Variants in TEAD1 observed in about 807,000 individuals in gnomAD.
The protein encoded by TEAD1 is transcriptional enhancer factor TEF-1.
In TEAD1, 9 loss-of-function variants were observed where a neutral mutation model predicts 54.9. The ratio of observed to expected loss-of-function variants is 0.16; its 90% CI spans 0.10 to 0.29. TEAD1 has a LOEUF of 0.29. Ranked by LOEUF, TEAD1 falls within the 10% of genes least tolerant of loss-of-function variation. The probability of loss-of-function intolerance (pLI) is 1.00; values close to 1 mark genes in which losing one functional copy is unlikely to be tolerated. For synonymous variants in TEAD1, 200 were observed against 187.8 expected (o/e 1.07, Z -0.53); for missense variants, 387 against 535.9 (o/e 0.72, Z 2.74).
At chr11:12,912,668 G>A (rs915324217) in intron 10 of TEAD1, among the ~76,000 whole-genome samples, 9 of 152,266 alleles carry the variant, frequency 5.9e-5, no homozygotes, top group Admixed American at 5.2e-4. Context: ...GATTTCACAG[G>A]ATAGGATAGC....
At position 12,922,192 on chromosome 11, in the gene TEAD1, C is replaced by CTTTTTTTTT. The variant is rs756723520; in HGVS notation, c.874-2706_874-2698dup. On this transcript the variant is annotated intron_variant, in intron 10 of 12. Transcript: ENST00000527636. ...AGGGGAATGTGGAGTACATGGTTCT[C>CTTTTTTTTT]TTTTTTTTTTTTTTTTTTTTTTGAG... Among the ~76,000 whole-genome samples, 8 of 94,502 alleles carry CTTTTTTTTT rather than the reference C, an allele frequency of 8.5e-5. 1 individual carries two copies. The highest frequency in any genetic ancestry group is 3.5e-4 in the African/African-American group (8 of 23,148). 62.0% of individuals were successfully genotyped at this position (94,502 alleles called of 152,430 possible).
chr11:12,907,547 C>T (rs1166530080), intron 10 of TEAD1, among the ~76,000 whole-genome samples: 2 of 152,046 alleles, frequency 1.3e-5, no homozygotes, highest in African/African-American at 2.4e-5. Context: ...TTTAATTCTA[C>T]AGCGTATTTA....
intron 3 of TEAD1, among the ~76,000 whole-genome samples, chr11:12,854,736 C>T (rs1328688495): frequency 6.6e-6 from 1 of 150,658 alleles, no homozygotes; most frequent in Non-Finnish European, 1.5e-5. Flanking sequence ...GGACCACAGG[C>T]AGGTGCTACC....
chr11:12,678,226 C>T (rs1023664631), intron 2 of TEAD1, among the ~76,000 whole-genome samples: 2 of 152,208 alleles, frequency 1.3e-5, no homozygotes, highest in South Asian at 2.1e-4. Flanking sequence ...GCAAGCCAAC[C>T]TTGTTAAATG....
rs1949116640 is a variant in TEAD1, at chr11:12,937,134, A to G, written c.1193A>G (p.Glu398Gly). Reference sequence around the variant, plus strand: ...GTGGTAACAAACAGGGATACACAAGAAACTCTACTCTGCATGGCCTGTGTG... The same window carrying G: ...GTGGTAACAAACAGGGATACACAAGGAACTCTACTCTGCATGGCCTGTGTG... Residue 398 changes from glutamate to glycine, a missense_variant, in exon 13 of 13, where the codon GAA becomes GGA. By Grantham distance (98) the Glu-to-Gly change is moderately conservative. This residue lies in a region of TEAD1 where 123 missense variants were observed against 199.0 expected (regional missense o/e 0.62). Transcript: ENST00000527636. The G allele has an allele frequency of 6.2e-7, 1 of 1,613,822 alleles. No homozygotes were observed. Among genetic ancestry groups the G allele is most frequent in the African/African-American group, 1.3e-5 (1 of 74,930 alleles).
chr11:12,825,304 A>G (rs1303408439), intron 3 of TEAD1, among the ~76,000 whole-genome samples: 2 of 152,238 alleles, frequency 1.3e-5, no homozygotes, highest in Non-Finnish European at 2.9e-5. Context: ...TTTCAGATGA[A>G]TTGAGCCTGT....
rs1009535417 is a variant in TEAD1 at position 12,735,618 on chromosome 11, G to C, written c.-54-28561G>C. Among the ~76,000 whole-genome samples the C allele has an allele frequency of 2.0e-5, 3 of 148,726 alleles. No homozygotes were observed. The Admixed American group carries it at 2.0e-4, about 10-fold the overall frequency. On this transcript the variant is annotated intron_variant, in intron 2 of 12. Coordinates refer to ENST00000527636, the MANE Select transcript of TEAD1 (RefSeq NM_021961.6). ...TGTGCTATGCACTGTTCTGGATTCC[G>C]GGGTTATAGCTGTGACCAAGGCAGA...
At chr11:12,845,030 A>G (rs1010482586) in intron 3 of TEAD1, among the ~76,000 whole-genome samples, 3 of 136,408 alleles carry the variant, frequency 2.2e-5, no homozygotes, top group Non-Finnish European at 3.0e-5. Context: ...CAGTGGCGCA[A>G]TCTTGGCTCA....
rs902329248 is a variant in TEAD1 at position 12,886,115 on chromosome 11, G to A, written c.699+2990G>A. Among the ~76,000 whole-genome samples, 3 of 152,230 alleles carry A rather than the reference G, an allele frequency of 2.0e-5. No individual in the cohort carries two copies. The East Asian group carries it at 5.8e-4, about 29-fold the overall frequency. ...CGAAAGATGGAGGATTGGACAGGGA[G>A]AGAATAAGGGAGCAGAATATTCCAG... On this transcript the variant is annotated intron_variant, in intron 9 of 12. Transcript: ENST00000527636.
intron 3 of TEAD1, among the ~76,000 whole-genome samples, chr11:12,802,063 C>T (rs1946070177): frequency 6.6e-6 from 1 of 152,320 alleles, no homozygotes; most frequent in East Asian, 1.9e-4. Flanking sequence ...GCCCTGTTCA[C>T]ATTTCACACT....
chr11:12,851,978 G>C (rs1036032386), intron 3 of TEAD1, among the ~76,000 whole-genome samples: 37 of 152,130 alleles, frequency 2.4e-4, no homozygotes, highest in African/African-American at 8.2e-4. Context: ...AGTACTTGAG[G>C]TTACAAAGCA....
chr11:12,737,490 C>A (rs771557585), intron 2 of TEAD1, among the ~76,000 whole-genome samples: 26 of 152,188 alleles, frequency 1.7e-4, no homozygotes, highest in Non-Finnish European at 3.7e-4. Context: ...CCTCTACTTA[C>A]AACTGTCCCT....
chr11:12,829,788 A>G (rs547862327), intron 3 of TEAD1, among the ~76,000 whole-genome samples: 14 of 152,182 alleles, frequency 9.2e-5, no homozygotes, highest in Non-Finnish European at 1.8e-4. Flanking sequence ...TGAAGACTGT[A>G]TCTGGTGCTT....
chr11:12,880,365 G>T (rs73409216), intron 6 of TEAD1, among the ~76,000 whole-genome samples: 2,487 of 152,290 alleles, frequency 0.016, 60 homozygotes, highest in African/African-American at 0.056. Flanking sequence ...CCATTTTGCA[G>T]ATGAAAAAGC....
chr11:12,859,407 A>G (rs1481239544), intron 3 of TEAD1, among the ~76,000 whole-genome samples: 1 of 151,724 alleles, frequency 6.6e-6, no homozygotes, highest in Non-Finnish European at 1.5e-5. Flanking sequence ...AATAGCCCTG[A>G]ACAGGATGCA....
intron 3 of TEAD1, among the ~76,000 whole-genome samples, chr11:12,849,642 C>T (rs1947227511): frequency 6.6e-6 from 1 of 152,174 alleles, no homozygotes; most frequent in Admixed American, 6.5e-5. Context: ...TAGAATTCTT[C>T]TGGTGATAGT....
At chr11:12,774,811 A>G (rs960216859) in intron 3 of TEAD1, among the ~76,000 whole-genome samples, 3 of 152,168 alleles carry the variant, frequency 2.0e-5, no homozygotes, top group African/African-American at 7.2e-5. Flanking sequence ...TGTAAGAGAG[A>G]GCTAAATAAG....
chr11:12,805,220 C>T (rs1231336194), intron 3 of TEAD1, among the ~76,000 whole-genome samples: 2 of 152,142 alleles, frequency 1.3e-5, no homozygotes, highest in Non-Finnish European at 2.9e-5. Flanking sequence ...TGTCATCTGC[C>T]TGCAAGACAC....
chr11:12,832,782 A>G (rs907018600), intron 3 of TEAD1, among the ~76,000 whole-genome samples: 1 of 152,234 alleles, frequency 6.6e-6, no homozygotes, highest in Admixed American at 6.5e-5. Flanking sequence ...CATCCTGCCA[A>G]TTGCTAACAA....
Sources: allele counts gnomAD v4.1 joint callset (sites outside exome capture counted in the v4.1 genomes callset), GRCh38; gene constraint gnomAD v4.1.1; regional missense constraint gnomAD v4.1.1; transcripts MANE v1.5; gene names NCBI Gene and HGNC (gene_info 2026-07-23, HGNC 2026-07-21).